The following DYNC1I1 variants were observed in gnomAD, a reference collection of about 807,000 sequenced individuals.
The protein encoded by DYNC1I1 is dynein cytoplasmic 1 intermediate chain 1.
A neutral mutation model predicts 86.6 loss-of-function variants in DYNC1I1; 43 were observed. The observed-to-expected ratio is 0.50, with a 90% CI of 0.39 to 0.64. DYNC1I1 has a LOEUF of 0.64. Ranked by LOEUF, DYNC1I1 falls within the 30% of genes least tolerant of loss-of-function variation. The probability of loss-of-function intolerance (pLI) is 0.00; values close to 1 mark genes in which losing one functional copy is unlikely to be tolerated. For synonymous variants in DYNC1I1, 262 were observed against 283.7 expected (o/e 0.92, Z 0.77); for missense variants, 604 against 788.8 (o/e 0.77, Z 2.81).
At chr7:96,039,790 G>C (rs1233720660) in intron 14 of DYNC1I1, among the ~76,000 whole-genome samples, 1 of 151,968 alleles carries the variant, frequency 6.6e-6, no homozygotes, top group Admixed American at 6.6e-5. Flanking sequence ...TCTGGAGCTT[G>C]GTGGTATCTA....
At chr7:95,810,573 G>T in intron 3 of DYNC1I1, 67 bp downstream of exon 3, 1 of 1,282,576 alleles carries the variant, frequency 7.8e-7, no homozygotes, top group African/African-American at 1.5e-5. Flanking sequence ...CATGTCCAGT[G>T]TTTACTATTC....
At chr7:96,036,666 T>G (rs1418358412) in intron 13 of DYNC1I1, among the ~76,000 whole-genome samples, 2 of 152,184 alleles carry the variant, frequency 1.3e-5, no homozygotes, top group Non-Finnish European at 2.9e-5. Context: ...AGAAATGATA[T>G]ATAATGTAAT....
At chr7:95,778,264 C>T (rs1047530929) in intron 1 of DYNC1I1, among the ~76,000 whole-genome samples, 41 of 152,146 alleles carry the variant, frequency 2.7e-4, no homozygotes, top group Non-Finnish European at 7.4e-5. Context: ...GCACATTCTC[C>T]GGTAGATAGT....
At position 96,097,885 on chromosome 7, in the gene DYNC1I1, C is replaced by G; in HGVS notation, c.*292C>G. ...ACTACTTTGTAGCTGTATTTAATAGCTGGAAACCTCTGGTTAAATTTGTGC... is the reference window on the plus strand; with the variant it reads ...ACTACTTTGTAGCTGTATTTAATAGGTGGAAACCTCTGGTTAAATTTGTGC... On this transcript the variant is annotated 3_prime_UTR_variant, in exon 17 of 17. Coordinates refer to ENST00000447467, the MANE Select transcript of DYNC1I1 (RefSeq NM_001135556.2). 9.1e-7 allele frequency: 1 copy of G among 1,098,398 alleles called. No individual in the cohort carries two copies. The highest frequency in any genetic ancestry group is 1.1e-6 in the Non-Finnish European group (1 of 897,670). 68.0% of individuals were successfully genotyped at this position (1,098,398 alleles called of 1,614,324 possible). A position where few individuals can be genotyped will look rare whatever the true frequency, so the allele number is the denominator to read the frequency against.
At chr7:95,955,967 T>A (rs1792699817) in intron 6 of DYNC1I1, among the ~76,000 whole-genome samples, 1 of 152,170 alleles carries the variant, frequency 6.6e-6, no homozygotes, top group Non-Finnish European at 1.5e-5. Flanking sequence ...TGTTTGTTTA[T>A]TACACTTGGC....
chr7:96,088,016 G>A (rs569409861), intron 16 of DYNC1I1, among the ~76,000 whole-genome samples: 5 of 151,978 alleles, frequency 3.3e-5, no homozygotes, highest in Non-Finnish European at 7.4e-5. Context: ...AAGAAAAGGC[G>A]CAATTAATTC....
At chr7:95,852,307 A>G (rs1482928351) in intron 5 of DYNC1I1, among the ~76,000 whole-genome samples, 1 of 151,946 alleles carries the variant, frequency 6.6e-6, no homozygotes, top group East Asian at 1.9e-4. Flanking sequence ...AATTGTTCAT[A>G]ATAGTCTTTT....
intron 1 of DYNC1I1, among the ~76,000 whole-genome samples, chr7:95,785,797 A>G (rs1463336906): frequency 8.6e-4 from 105 of 122,530 alleles, no homozygotes; most frequent in Non-Finnish European, 1.2e-3. Context: ...ATATATATAT[A>G]TATATATATA....
chr7:96,053,961 ATAAT>A (rs1398107639), intron 14 of DYNC1I1, among the ~76,000 whole-genome samples: 2 of 152,154 alleles, frequency 1.3e-5, no homozygotes, highest in African/African-American at 4.8e-5. Flanking sequence ...GTGGAAAAAT[ATAAT>A]TAATTTTTTA....
intron 15 of DYNC1I1, among the ~76,000 whole-genome samples, chr7:96,078,990 A>T (rs1332827335): frequency 6.6e-6 from 1 of 151,992 alleles, no homozygotes; most frequent in Non-Finnish European, 1.5e-5. Context: ...GTGTATTTTT[A>T]AAAAATAAAT....
At chr7:95,921,855 A>C (rs181043938) in intron 6 of DYNC1I1, among the ~76,000 whole-genome samples, 57 of 152,312 alleles carry the variant, frequency 3.7e-4, no homozygotes, top group African/African-American at 1.3e-3. Flanking sequence ...AGAATAGTTT[A>C]GTCATTTTGA....
chr7:96,047,873 G>A (rs145250379), intron 14 of DYNC1I1, among the ~76,000 whole-genome samples: 4 of 151,876 alleles, frequency 2.6e-5, no homozygotes, highest in Non-Finnish European at 4.4e-5. Flanking sequence ...AAAAGCTATT[G>A]GAATAAAAAT....
intron 10 of DYNC1I1, among the ~76,000 whole-genome samples, chr7:96,010,030 C>A (rs1467438038): frequency 1.3e-5 from 2 of 152,056 alleles, no homozygotes; most frequent in African/African-American, 4.8e-5. Flanking sequence ...CCACCCGTCT[C>A]GGCCTCCCCA....
intron 1 of DYNC1I1, among the ~76,000 whole-genome samples, chr7:95,775,312 A>G (rs1412312931): frequency 6.6e-6 from 1 of 152,220 alleles, no homozygotes; most frequent in African/African-American, 2.4e-5. Context: ...CTCTTCTCTT[A>G]TCTCATTTTA....
intron 6 of DYNC1I1, among the ~76,000 whole-genome samples, chr7:95,963,789 C>T (rs1792934836): frequency 6.6e-6 from 1 of 152,108 alleles, no homozygotes; most frequent in South Asian, 2.1e-4. Flanking sequence ...GATGTTTCAA[C>T]AGCTTGAAAA....
chr7:95,861,540 C>T (rs924938658), intron 5 of DYNC1I1, among the ~76,000 whole-genome samples: 2 of 152,166 alleles, frequency 1.3e-5, no homozygotes, highest in Non-Finnish European at 2.9e-5. Flanking sequence ...CCTAGAACTT[C>T]GGCTGTCTGA....
intron 4 of DYNC1I1, among the ~76,000 whole-genome samples, chr7:95,817,661 C>T (rs746294560): frequency 2.6e-5 from 4 of 152,018 alleles, no homozygotes; most frequent in Non-Finnish European, 5.9e-5. Flanking sequence ...TATCTTTATC[C>T]ACGTAATTAC....
At chr7:96,011,196 C>A (rs190625842) in intron 10 of DYNC1I1, among the ~76,000 whole-genome samples, 1 of 152,244 alleles carries the variant, frequency 6.6e-6, no homozygotes, top group East Asian at 1.9e-4. Context: ...CATTTCTTGA[C>A]TGTGGAAGTA....
At chr7:95,914,037 T>G (rs1791406807) in intron 6 of DYNC1I1, among the ~76,000 whole-genome samples, 1 of 152,176 alleles carries the variant, frequency 6.6e-6, no homozygotes, top group Non-Finnish European at 1.5e-5. Flanking sequence ...TTGACCTGTT[T>G]CATGGCCAGA....
Sources: gnomAD v4.1 joint callset for allele counts (sites outside exome capture counted in the v4.1 genomes callset) on GRCh38, gnomAD v4.1.1 for gene constraint, MANE v1.5 for transcripts, NCBI Gene and HGNC (gene_info 2026-07-23, HGNC 2026-07-21) for gene names.